The following OCLN variants were observed in gnomAD, a reference collection of about 807,000 sequenced individuals.
OCLN encodes the protein occludin.
OCLN carries 21 observed loss-of-function variants against 47.9 expected under a neutral mutation model. The observed-to-expected ratio is 0.44, with a 90% CI of 0.31 to 0.63. The LOEUF is 0.63. Ranked by LOEUF, OCLN falls within the 30% of genes least tolerant of loss-of-function variation. OCLN has a pLI of 0.08. For missense variants in OCLN, 360 were observed against 571.0 expected (o/e 0.63, Z 3.77); for synonymous variants, 117 against 198.4 (o/e 0.59, Z 3.45).
At chr5:69,515,589 A>C (rs1449959106) in intron 4 of OCLN, among the ~76,000 whole-genome samples, 20 of 69,084 alleles carry the variant, frequency 2.9e-4, no homozygotes, top group South Asian at 5.7e-4. Flanking sequence ...CGGGGGGCTG[A>C]CCCCCCCACC....
chr5:69,533,853 G>A (rs1769516311), intron 4 of OCLN, among the ~76,000 whole-genome samples: 1 of 152,052 alleles, frequency 6.6e-6, no homozygotes, highest in Non-Finnish European at 1.5e-5. Flanking sequence ...GTAGAAACGG[G>A]GTTTCGCTGT....
chr5:69,503,070 G>A (rs1055063776), intron 1 of OCLN, among the ~76,000 whole-genome samples: 5 of 152,144 alleles, frequency 3.3e-5, no homozygotes, highest in African/African-American at 1.2e-4. Context: ...ATCAACCATG[G>A]AGGGTCGTTT....
chr5:69,510,960 C>T (rs552301770), intron 3 of OCLN, among the ~76,000 whole-genome samples: 3 of 152,186 alleles, frequency 2.0e-5, no homozygotes, highest in African/African-American at 7.2e-5. Context: ...TGAAGTGGTG[C>T]TTTATTGTGA....
At chr5:69,500,214 C>T (rs887051871) in intron 1 of OCLN, among the ~76,000 whole-genome samples, 1 of 152,094 alleles carries the variant, frequency 6.6e-6, no homozygotes, top group Non-Finnish European at 1.5e-5. Flanking sequence ...AATTGGGTGC[C>T]GTAATCCAGC....
At chr5:69,511,232 G>A (rs1307687383) in intron 3 of OCLN, among the ~76,000 whole-genome samples, 1 of 136,306 alleles carries the variant, frequency 7.3e-6, no homozygotes, top group Non-Finnish European at 1.6e-5. Flanking sequence ...CGGCCACCAC[G>A]CCCAGCTAAT....
intron 2 of OCLN, among the ~76,000 whole-genome samples, chr5:69,506,894 T>C (rs1334239644): frequency 6.6e-6 from 1 of 152,170 alleles, no homozygotes; most frequent in African/African-American, 2.4e-5. Context: ...GTTGCTTTTG[T>C]AAATAATGGT....
chr5:69,529,595 T>C (rs1178885119), intron 4 of OCLN, among the ~76,000 whole-genome samples: 1 of 152,044 alleles, frequency 6.6e-6, no homozygotes, highest in Non-Finnish European at 1.5e-5. Context: ...CAAGAGTAAG[T>C]CTGAGTTACT....
chr5:69,533,066 TATACAC>T (rs1769486044), intron 4 of OCLN, among the ~76,000 whole-genome samples: 1 of 148,576 alleles, frequency 6.7e-6, no homozygotes. Context: ...TACATATATA[TATACAC>T]ACACATATAT....
intron 3 of OCLN, among the ~76,000 whole-genome samples, chr5:69,512,643 G>A (rs892850192): frequency 3.3e-4 from 50 of 152,130 alleles, no homozygotes; most frequent in Non-Finnish European, 6.6e-4. Flanking sequence ...TGGATGTATT[G>A]TCATCTTTAC....
At chr5:69,512,849 T>C (rs1367811958) in intron 3 of OCLN, among the ~76,000 whole-genome samples, 2 of 152,230 alleles carry the variant, frequency 1.3e-5, no homozygotes, top group Non-Finnish European at 2.9e-5. Context: ...TATATTAATA[T>C]CTGAAATGTT....
intron 1 of OCLN, among the ~76,000 whole-genome samples, chr5:69,500,901 T>G (rs1187543344): frequency 6.6e-6 from 1 of 152,102 alleles, no homozygotes; most frequent in Non-Finnish European, 1.5e-5. Flanking sequence ...CATTTAATAG[T>G]GCTTAACTTC....
At chr5:69,517,309 TA>T (rs1768999258) in intron 4 of OCLN, among the ~76,000 whole-genome samples, 11 of 90,094 alleles carry the variant, frequency 1.2e-4, no homozygotes, top group African/African-American at 3.7e-4. Flanking sequence ...TATATATATA[TA>T]TATATTTTTT....
intron 4 of OCLN, among the ~76,000 whole-genome samples, chr5:69,527,054 G>T (rs1212723799): frequency 6.6e-6 from 1 of 152,134 alleles, no homozygotes; most frequent in Non-Finnish European, 1.5e-5. Flanking sequence ...GAGGCGGGCG[G>T]ATCACCTGAG....
chr5:69,519,458 T>C (rs948680440), intron 4 of OCLN, among the ~76,000 whole-genome samples: 8 of 152,098 alleles, frequency 5.3e-5, no homozygotes, highest in African/African-American at 1.9e-4. Flanking sequence ...TTCTTAGGGC[T>C]TTTTTTCCCC....
intron 4 of OCLN, among the ~76,000 whole-genome samples, chr5:69,514,383 C>G (rs1197818047): frequency 6.6e-6 from 1 of 152,112 alleles, no homozygotes; most frequent in East Asian, 1.9e-4. Flanking sequence ...TTGGCCTTTG[C>G]AAAACAAAAA....
Position 69,513,996 on chromosome 5 carries a change from A to G in OCLN, c.778A>G (p.Ile260Val). 1.2e-6 allele frequency: 2 copies of G among 1,614,070 alleles called. No individual in the cohort carries two copies. Among genetic ancestry groups the G allele is most frequent in the Non-Finnish European group, 8.5e-7 (1 of 1,179,890 alleles). Residue 260 changes from isoleucine to valine, a missense_variant, in exon 4 of 9, where the codon ATA becomes GTA. Transcript: ENST00000396442. ...GFMIIVAFAL[I>V]IFFAVKTRRK... ...CATGATTATTGTGGCTTTTGCTTTA[A>G]TAATTTTCTTTGCTGTGAAAACTCG...
At chr5:69,512,929 G>A (rs945787205) in intron 3 of OCLN, among the ~76,000 whole-genome samples, 68 of 152,122 alleles carry the variant, frequency 4.5e-4, no homozygotes, top group Non-Finnish European at 8.1e-4. Context: ...TCCCATTCCT[G>A]AATGAGTCAC....
At chr5:69,519,741 G>C (rs1769080678) in intron 4 of OCLN, among the ~76,000 whole-genome samples, 1 of 152,072 alleles carries the variant, frequency 6.6e-6, no homozygotes, top group Non-Finnish European at 1.5e-5. Context: ...ATACTCAGGT[G>C]GTTGGTTCCG....
intron 1 of OCLN, 53 bp from the exon 2 acceptor site, chr5:69,504,120 AAAAG>A: frequency 1.3e-6 from 1 of 749,072 alleles, no homozygotes; most frequent in Non-Finnish European, 2.4e-6. Context: ...TGGGATGAAG[AAAAG>A]AAAGAAACTG....
Sources: gnomAD v4.1 joint callset for allele counts (sites outside exome capture counted in the v4.1 genomes callset) on GRCh38, gnomAD v4.1.1 for gene constraint, MANE v1.5 for transcripts, NCBI Gene and HGNC (gene_info 2026-07-23, HGNC 2026-07-21) for gene names.